The following SRP19 variants were observed in gnomAD, a reference collection of about 807,000 sequenced individuals.
The protein encoded by SRP19 is signal recognition particle 19, also known as signal recognition particle 19 kDa protein.
SRP19 carries 11 observed loss-of-function variants against 22.4 expected under a neutral mutation model. The observed-to-expected ratio is 0.49, with a 90% CI of 0.31 to 0.81. The LOEUF (loss-of-function observed/expected upper bound fraction) is 0.81. Ranked by LOEUF, SRP19 falls within the 40% of genes least tolerant of loss-of-function variation. The pLI is 0.05. For synonymous variants in SRP19, 61 were observed against 57.6 expected, an observed-to-expected ratio of 1.06 and a Z score of -0.27; for missense variants, 168 against 175.9, an observed-to-expected ratio of 0.96 and a Z score of 0.25.
At chr5:112,892,008 G>C (rs1768474367) in exon 5 of SRP19, 1 of 1,287,032 alleles carries the variant, frequency 7.8e-7, no homozygotes, top group African/African-American at 1.5e-5. Context: ...AGAGGAAAGA[G>C]AGAGAAGAGG....
rs536564716 is a variant in SRP19, at chr5:112,865,703, C to G, written c.301+971C>G. Among the ~76,000 whole-genome samples, 273 of 152,090 alleles carry G rather than the reference C, an allele frequency of 1.8e-3. 1 individual carries two copies. The highest frequency in any genetic ancestry group is 3.0e-3 in the Non-Finnish European group (204 of 68,000). On this transcript the variant is annotated intron_variant, in intron 4 of 4. Coordinates refer to ENST00000505459, the MANE Select transcript of SRP19 (RefSeq NM_003135.3). ...CCGACTCCCTGGTTCAAGCGATTCTCCTGTCTCAGCCTCCCAAGTAGCTGG... is the reference window on the plus strand; with the variant it reads ...CCGACTCCCTGGTTCAAGCGATTCTGCTGTCTCAGCCTCCCAAGTAGCTGG...
At position 112,868,111 on chromosome 5, in the gene SRP19, G is replaced by GT. The variant is rs563471164; in HGVS notation, c.*580dup. ...ATTATTGTAATCGAATCGTTCAGTT[G>GT]TTTTTTGACATGGAAAGTCCTGGAT... is the stretch of plus-strand genomic sequence containing the variant. On this transcript the variant is annotated 3_prime_UTR_variant, in exon 5 of 5. Coordinates refer to ENST00000505459, the MANE Select transcript of SRP19 (RefSeq NM_003135.3). The GT allele has an allele frequency of 2.0e-6, 2 of 985,220 alleles. No homozygotes were observed. Among genetic ancestry groups the GT allele is most frequent in the African/African-American group, 3.5e-5 (2 of 57,198 alleles). The allele number at this position is 985,220 out of a possible 1,614,324, so 61.0% of individuals were successfully genotyped here.
intron 4 of SRP19, chr5:112,878,576 G>T: frequency 3.3e-6 from 2 of 608,334 alleles, no homozygotes; most frequent in Non-Finnish European, 5.3e-6. Flanking sequence ...CAAAAACGTG[G>T]ACACTGCCCA....
chr5:112,862,409 C>T (rs1437655122), intron 1 of SRP19, 99 bp from the exon 2 acceptor site: 4 of 964,696 alleles, frequency 4.1e-6, no homozygotes, highest in African/African-American at 1.6e-5. Context: ...CATCTGATAT[C>T]TAGGCAGCAT....
intron 4 of SRP19, chr5:112,878,008 TGTGTGTG>T (rs1767950731): frequency 6.8e-6 from 1 of 148,056 alleles, no homozygotes; most frequent in South Asian, 2.2e-4. Flanking sequence ...TGTGTGTGTG[TGTGTGTG>T]TGTGTGTAAA....
At chr5:112,867,230 T>C in intron 4 of SRP19, 174 bp from the exon 5 acceptor site, 1 of 655,946 alleles carries the variant, frequency 1.5e-6, no homozygotes, top group Non-Finnish European at 2.5e-6. Context: ...TCTCAGTACA[T>C]TTCCCCCGAC....
chr5:112,882,883 A>C (rs1768122203), intron 4 of SRP19, among the ~76,000 whole-genome samples: 1 of 152,162 alleles, frequency 6.6e-6, no homozygotes, highest in South Asian at 2.1e-4. Flanking sequence ...GAAATATGAA[A>C]CAATTAGAAA....
chr5:112,878,585 C>G, intron 4 of SRP19: 1 of 676,208 alleles, frequency 1.5e-6, no homozygotes, highest in South Asian at 2.7e-5. Flanking sequence ...GGACACTGCC[C>G]ACTGCATTAA....
chr5:112,870,386 G>A (rs1440664879), downstream of SRP19, among the ~76,000 whole-genome samples: 2 of 152,124 alleles, frequency 1.3e-5, no homozygotes, highest in African/African-American at 4.8e-5. Context: ...GGAGGCTGAG[G>A]TGGGAGGACT....
At chr5:112,892,937 A>T in exon 5 of SRP19, 1 of 1,600,958 alleles carries the variant, frequency 6.2e-7, no homozygotes, top group Non-Finnish European at 8.5e-7. Context: ...AGAAATAGGC[A>T]CCGCAGCTGG....
At chr5:112,892,694 A>G (rs765973441) in exon 5 of SRP19, 2 of 1,613,978 alleles carry the variant, frequency 1.2e-6, no homozygotes, top group Non-Finnish European at 1.7e-6. Context: ...AGAGACATCT[A>G]CTTGTCTTCA....
intron 1 of SRP19, 52 bp from the exon 2 acceptor site, chr5:112,862,456 C>A: frequency 6.5e-7 from 1 of 1,550,228 alleles, no homozygotes; most frequent in Non-Finnish European, 8.9e-7. Context: ...CGACCCTTTT[C>A]TCCTGCCTCT....
At chr5:112,893,072 C>T (rs747590336) in exon 5 of SRP19, 1 of 1,035,828 alleles carries the variant, frequency 9.7e-7, no homozygotes, top group Non-Finnish European at 1.4e-6. Flanking sequence ...AGTCCCCAAT[C>T]CAAATAAACT....
chr5:112,867,207 G>A (rs962424365), intron 4 of SRP19, among the ~76,000 whole-genome samples, 197 bp from the exon 5 acceptor site: 2 of 152,076 alleles, frequency 1.3e-5, no homozygotes, highest in Admixed American at 1.3e-4. Flanking sequence ...AATATTTTCA[G>A]CATTATTCTC....
At chr5:112,896,223 T>A (rs1450155048), downstream of SRP19, 1 of 152,524 alleles carries the variant, frequency 6.6e-6, no homozygotes, top group African/African-American at 2.4e-5. Context: ...CTACGAACAT[T>A]AAGAAGAAAA....
chr5:112,870,192 A>G (rs1767726709), downstream of SRP19, among the ~76,000 whole-genome samples: 3 of 152,172 alleles, frequency 2.0e-5, no homozygotes, highest in South Asian at 6.2e-4. Context: ...AAAGTAGTTG[A>G]GAATGCATAC....
At chr5:112,888,389 C>G (rs925902071) in intron 4 of SRP19, among the ~76,000 whole-genome samples, 5 of 152,192 alleles carry the variant, frequency 3.3e-5, no homozygotes, top group Non-Finnish European at 5.9e-5. Flanking sequence ...TTGTATAACA[C>G]TCAAAATAAA....
chr5:112,871,257 T>C (rs2150029258), downstream of SRP19, among the ~76,000 whole-genome samples: 1 of 149,290 alleles, frequency 6.7e-6, no homozygotes, highest in East Asian at 1.9e-4. Context: ...TTTTTTTTTT[T>C]TTTTTTTTTT....
At chr5:112,871,808 T>C (rs1353563045), downstream of SRP19, among the ~76,000 whole-genome samples, 2 of 152,110 alleles carry the variant, frequency 1.3e-5, no homozygotes, top group Admixed American at 6.5e-5. Context: ...GTTCTTATAC[T>C]CCTGGGCTCA....
Sources: gnomAD v4.1 joint callset for allele counts (sites outside exome capture counted in the v4.1 genomes callset) on GRCh38, gnomAD v4.1.1 for gene constraint, MANE v1.5 for transcripts, NCBI Gene and HGNC (gene_info 2026-07-23, HGNC 2026-07-21) for gene names.